Variants in PROP1 observed in about 807,000 individuals in gnomAD.
PROP1 encodes the protein PROP paired-like homeobox 1.
In PROP1, 12 loss-of-function variants were observed where a neutral mutation model predicts 22.3. The ratio of observed to expected loss-of-function variants is 0.54; its 90% CI spans 0.34 to 0.87. The LOEUF is 0.87. PROP1 is among the 40% of genes least tolerant of loss of function. The pLI, the probability that PROP1 is intolerant of heterozygous loss-of-function variation, is 0.01. For missense variants in PROP1, 278 were observed against 295.1 expected (o/e 0.94, Z 0.43); for synonymous variants, 112 against 116.7 (o/e 0.96, Z 0.26).
intron 1 of PROP1, among the ~76,000 whole-genome samples, chr5:177,994,884 T>C (rs1456796999): frequency 6.6e-6 from 1 of 151,940 alleles, no homozygotes; most frequent in Non-Finnish European, 1.5e-5. Context: ...GCCCTGGCAC[T>C]CATGCACTGT....
chr5:177,995,991 GC>G lies in PROP1; in HGVS notation c.-59del. The stretch of plus-strand genomic sequence containing the variant: ...TCTGACTTGAGATTTCTCTGCTTCC[GC>G]AGCTCCTCTCCACACCTGTTCCCTC... On this transcript the variant is annotated 5_prime_UTR_variant, in exon 1 of 3. Coordinates refer to ENST00000308304, the MANE Select transcript of PROP1 (RefSeq NM_006261.5). 1 of 1,467,254 alleles carries G rather than the reference GC, an allele frequency of 6.8e-7. No homozygotes were observed. The highest frequency in any genetic ancestry group is 9.5e-7 in the Non-Finnish European group (1 of 1,053,498). 90.9% of individuals were successfully genotyped at this position (1,467,254 alleles called of 1,614,324 possible).
rs1282936077 is a variant in PROP1 at position 177,992,685 on chromosome 5, C to G, written c.*24G>C. On this transcript the variant is annotated 3_prime_UTR_variant, in exon 3 of 3. Transcript: ENST00000308304. ...TTCACGAGGGCCGCAGGCTGGGGATCACCTTGGTGGTACTTGTTTGACCTC... is the reference window on the plus strand; with the variant it reads ...TTCACGAGGGCCGCAGGCTGGGGATGACCTTGGTGGTACTTGTTTGACCTC... 1 of 1,511,612 alleles carries G rather than the reference C, an allele frequency of 6.6e-7. No individual in the cohort carries two copies. The highest frequency in any genetic ancestry group is 1.8e-5 in the Admixed American group (1 of 56,938). 93.6% of individuals were successfully genotyped at this position (1,511,612 alleles called of 1,614,324 possible).
chr5:177,994,033 T>G (rs1235357135), intron 2 of PROP1, 73 bp downstream of exon 2: 1 of 1,533,662 alleles, frequency 6.5e-7, no homozygotes, highest in Admixed American at 1.7e-5. Flanking sequence ...AGGGTTATAA[T>G]GCCCAACATT....
intron 1 of PROP1, 103 bp downstream of exon 1, chr5:177,995,722 C>A: frequency 1.1e-6 from 1 of 889,760 alleles, no homozygotes; most frequent in South Asian, 1.4e-5. Flanking sequence ...TGATAGGATT[C>A]GGGTTTTAAT....
At position 177,995,820 on chromosome 5, in the gene PROP1, C is replaced by T. The variant is rs1489206204; in HGVS notation, c.109+5G>A. On this transcript the variant is annotated splice_donor_5th_base_variant and intron_variant, in intron 1 of 2. Coordinates refer to ENST00000308304, the MANE Select transcript of PROP1 (RefSeq NM_006261.5). Reference sequence around the variant, plus strand: ...GGACCCACGCACACCGGGACGGTCACTCACCCACCGTGGTGGTCGGGGTCC... The same window carrying T: ...GGACCCACGCACACCGGGACGGTCATTCACCCACCGTGGTGGTCGGGGTCC... 6.2e-7 allele frequency: 1 copy of T among 1,612,198 alleles called. No individual in the cohort carries two copies. Among genetic ancestry groups the T allele is most frequent in the African/African-American group, 1.3e-5 (1 of 75,034 alleles).
rs553979976 is a variant in PROP1 at position 177,996,162 on chromosome 5, C to T, written c.-229G>A. 7 of 578,992 alleles carry T rather than the reference C, an allele frequency of 1.2e-5. No homozygotes were observed. The highest frequency in any genetic ancestry group is 1.9e-5 in the Non-Finnish European group (6 of 323,290). The allele number at this position is 578,992 out of a possible 1,614,324, so 35.9% of individuals were successfully genotyped here. Reference sequence around the variant, plus strand: ...CCCCCTTCCTTGGCTTGAGTGTCAGCTCAATCTCCTGCCTCAGCCTCACCT... The same window carrying T: ...CCCCCTTCCTTGGCTTGAGTGTCAGTTCAATCTCCTGCCTCAGCCTCACCT... On this transcript the variant is annotated 5_prime_UTR_variant, in exon 1 of 3. Transcript: ENST00000308304.
intron 1 of PROP1, 54 bp from the exon 2 acceptor site, chr5:177,994,392 T>C (rs1755705071): frequency 1.4e-6 from 2 of 1,450,282 alleles, no homozygotes; most frequent in African/African-American, 1.4e-5. Context: ...TCCTCGGTGC[T>C]GGACCACATG....
chr5:177,996,036 T>A lies in PROP1; in HGVS notation c.-103A>T. ...TTCCCTCCCCTTCTCCCTCTGTGTA[T>A]GCCACCCTCTGGGACTCTGTCTCTG... On this transcript the variant is annotated 5_prime_UTR_variant, in exon 1 of 3. Coordinates refer to ENST00000308304, the MANE Select transcript of PROP1 (RefSeq NM_006261.5). 3 of 954,328 alleles carry A rather than the reference T, an allele frequency of 3.1e-6. No individual in the cohort carries two copies. Among genetic ancestry groups the A allele is most frequent in the South Asian group, 2.7e-5 (2 of 73,998 alleles). The allele number at this position is 954,328 out of a possible 1,614,324, so 59.1% of individuals were successfully genotyped here. A position where few individuals can be genotyped will look rare whatever the true frequency, so the allele number is the denominator to read the frequency against.
rs751079956 is a variant in PROP1, at chr5:177,992,781, G to T, written c.609C>A (p.Ala203=). The T allele has an allele frequency of 1.9e-6, 3 of 1,597,682 alleles. No individual in the cohort carries two copies. The highest frequency in any genetic ancestry group is 2.7e-5 in the African/African-American group (2 of 74,642). Residue 203 remains alanine, a synonymous_variant, in exon 3 of 3, where the codon GCC becomes GCA. Coordinates refer to ENST00000308304, the MANE Select transcript of PROP1 (RefSeq NM_006261.5). Reference sequence around the variant, plus strand: ...GGGGTGGGGGGCAGGGCAGATGGCCGGCAGGGGCTGGGTGCAAGGTAGGGT... The same window carrying T: ...GGGGTGGGGGGCAGGGCAGATGGCCTGCAGGGGCTGGGTGCAAGGTAGGGT... ...DWYPTLHPAP[A]GHLPCPPPPP... is the part of the protein sequence containing the mutation.
chr5:177,995,465 C>T (rs1029041958), intron 1 of PROP1, among the ~76,000 whole-genome samples: 3 of 152,024 alleles, frequency 2.0e-5, no homozygotes, highest in Admixed American at 6.5e-5. Flanking sequence ...GACACACACA[C>T]GGAGCCCGCC....
chr5:177,994,240 G>A lies in PROP1; in HGVS notation c.208C>T (p.Arg70Cys), dbSNP rs746961408. The A allele has an allele frequency of 6.2e-6, 10 of 1,613,870 alleles. No homozygotes were observed. The highest frequency in any genetic ancestry group is 4.5e-5 in the East Asian group (2 of 44,872). Reference sequence around the variant, plus strand: ...GGGCTGAAGGTGGTGCGGTGGCGGCGCCGGGAGTGCGGGCGGCCCCTCTGT... The same window carrying A: ...GGGCTGAAGGTGGTGCGGTGGCGGCACCGGGAGTGCGGGCGGCCCCTCTGT... Reference protein sequence around the residue: ...GGQRGRPHSRRRHRTTFSPVQ... With the variant: ...GGQRGRPHSRCRHRTTFSPVQ... Residue 70 changes from arginine to cysteine, a missense_variant, in exon 2 of 3, where the codon CGC (arginine) becomes TGC (cysteine). Transcript: ENST00000308304.
chr5:177,992,743 G>A lies in PROP1; in HGVS notation c.647C>T (p.Pro216Leu), dbSNP rs1175709520. 3 of 1,592,800 alleles carry A rather than the reference G, an allele frequency of 1.9e-6. No individual in the cohort carries two copies. Among genetic ancestry groups the A allele is most frequent in the Non-Finnish European group, 2.6e-6 (3 of 1,172,376 alleles). ...GGACTTGGATGGCTCAAGGCTGAGGGGGAGCATGGGAGGGGGTGGGGGGCA... is the reference window on the plus strand; with the variant it reads ...GGACTTGGATGGCTCAAGGCTGAGGAGGAGCATGGGAGGGGGTGGGGGGCA... The part of the protein sequence containing the change: ...LPCPPPPPML[P>L]LSLEPSKSWN The change falls in exon 3 of 3, where the codon CCC becomes CTC. Residue 216 changes from proline (P) to leucine (L), a missense_variant. By Grantham distance (98) the Pro-to-Leu change is moderately conservative. Coordinates refer to ENST00000308304, the MANE Select transcript of PROP1 (RefSeq NM_006261.5).
chr5:177,993,113 G>C, intron 2 of PROP1, 66 bp from the exon 3 acceptor site: 1 of 1,360,464 alleles, frequency 7.4e-7, no homozygotes, highest in Non-Finnish European at 1.0e-6. Context: ...CTACTCCAAT[G>C]ACAAGAGGTG....
intron 1 of PROP1, among the ~76,000 whole-genome samples, chr5:177,995,171 C>T (rs73346251): frequency 6.6e-6 from 1 of 152,110 alleles, no homozygotes; most frequent in African/African-American, 2.4e-5. Context: ...CTCTTCCGCT[C>T]AGACACACCC....
chr5:177,992,700 T>G lies in PROP1; in HGVS notation c.*9A>C. ...GGCTGGGGATCACCTTGGTGGTACTTGTTTGACCTCAGTTCCAGGACTTGG... is the reference window on the plus strand; with the variant it reads ...GGCTGGGGATCACCTTGGTGGTACTGGTTTGACCTCAGTTCCAGGACTTGG... On this transcript the variant is annotated 3_prime_UTR_variant, in exon 3 of 3. Transcript: ENST00000308304. 6.4e-7 allele frequency: 1 copy of G among 1,554,704 alleles called. No individual in the cohort carries two copies. The highest frequency in any genetic ancestry group is 8.7e-7 in the Non-Finnish European group (1 of 1,144,464).
chr5:177,995,920 C>A lies in PROP1; in HGVS notation c.14G>T (p.Arg5Met). MEAE[R>M]RRQAEKPKKG... The stretch of plus-strand genomic sequence containing the variant: ...CTTTGGCTTCTCAGCCTGGCGCCTC[C>A]TTTCTGCTTCCATGGCTCGCCACGG... The change falls in exon 1 of 3, where the codon AGG (arginine) becomes ATG (methionine). Residue 5 changes from arginine (R) to methionine (M), a missense_variant. Physicochemically the swap from Arg to Met is moderately conservative, Grantham distance 91. Transcript: ENST00000308304. The A allele has an allele frequency of 6.2e-7, 1 of 1,613,812 alleles. No homozygotes were observed. Among genetic ancestry groups the A allele is most frequent in the Non-Finnish European group, 8.5e-7 (1 of 1,180,012 alleles).
At chr5:177,994,371 G>A (rs540779261) in intron 1 of PROP1, 33 bp from the exon 2 acceptor site, 3 of 1,540,702 alleles carry the variant, frequency 1.9e-6, no homozygotes, top group Admixed American at 2.0e-5. Context: ...GGCGGCTTCT[G>A]AGGAGGACGC....
intron 2 of PROP1, among the ~76,000 whole-genome samples, chr5:177,993,414 T>C (rs961127741): frequency 6.6e-6 from 1 of 152,222 alleles, no homozygotes; most frequent in Non-Finnish European, 1.5e-5. Context: ...AAGCTTGAAT[T>C]TAGGGTAGGG....
In PROP1 at chr5:177,992,680, G is replaced by C. The variant is rs757915133; in HGVS notation, c.*29C>G. The C allele has an allele frequency of 6.7e-7, 1 of 1,481,578 alleles. No homozygotes were observed. Among genetic ancestry groups the C allele is most frequent in the Non-Finnish European group, 9.2e-7 (1 of 1,083,188 alleles). 91.8% of individuals were successfully genotyped at this position (1,481,578 alleles called of 1,614,324 possible). On this transcript the variant is annotated 3_prime_UTR_variant, in exon 3 of 3. Transcript: ENST00000308304. ...GTCTTTTCACGAGGGCCGCAGGCTG[G>C]GGATCACCTTGGTGGTACTTGTTTG...
Sources: allele counts gnomAD v4.1 joint callset (sites outside exome capture counted in the v4.1 genomes callset), GRCh38; gene constraint gnomAD v4.1.1; transcripts MANE v1.5; gene names NCBI Gene and HGNC (gene_info 2026-07-23, HGNC 2026-07-21).